The following MAT2B variants were observed in gnomAD, a reference collection of about 807,000 sequenced individuals.
MAT2B encodes methionine adenosyltransferase 2 non-catalytic beta subunit, also known as methionine adenosyltransferase 2 subunit beta.
In MAT2B, 16 loss-of-function variants were observed where a neutral mutation model predicts 36.1. The ratio of observed to expected loss-of-function variants is 0.44; its 90% CI spans 0.30 to 0.67. The LOEUF is 0.67. MAT2B is among the 30% of genes least tolerant of loss of function. The pLI, the probability that MAT2B is intolerant of heterozygous loss-of-function variation, is 0.09. For synonymous variants in MAT2B, 148 were observed against 136.9 expected, an observed-to-expected ratio of 1.08 and a Z score of -0.57; for missense variants, 332 against 398.2, an observed-to-expected ratio of 0.83 and a Z score of 1.42.
At chr5:163,503,792 T>A (rs1182412009), upstream of MAT2B, among the ~76,000 whole-genome samples, 1 of 152,260 alleles carries the variant, frequency 6.6e-6, no homozygotes, top group Non-Finnish European at 1.5e-5. Context: ...ACATAACTTT[T>A]AGTTTCAGGC....
At chr5:163,505,043 T>A (rs1561654537), upstream of MAT2B, among the ~76,000 whole-genome samples, 1 of 152,228 alleles carries the variant, frequency 6.6e-6, no homozygotes, top group Non-Finnish European at 1.5e-5. Context: ...TTTAATTAGT[T>A]AAAAATAGTT....
intron 5 of MAT2B, 59 bp from the exon 6 acceptor site, chr5:163,517,502 C>A: frequency 9.9e-7 from 1 of 1,014,342 alleles, no homozygotes; most frequent in Non-Finnish European, 1.6e-6. Context: ...TTTGGTCAAA[C>A]CTATTCTACT....
intron 4 of MAT2B, 117 bp from the exon 5 acceptor site, chr5:163,516,401 A>T (rs1760133822): frequency 1.3e-6 from 1 of 785,342 alleles, no homozygotes; most frequent in South Asian, 1.8e-5. Flanking sequence ...ATTTTGGTAT[A>T]TTTTAATTAA....
At position 163,518,495 on chromosome 5, in the gene MAT2B, T is replaced by A. The variant is rs772039363; in HGVS notation, c.*132T>A. 5 of 663,742 alleles carry A rather than the reference T, an allele frequency of 7.5e-6. No individual in the cohort carries two copies. The highest frequency in any genetic ancestry group is 2.7e-5 in the South Asian group (1 of 37,308). 41.1% of individuals were successfully genotyped at this position (663,742 alleles called of 1,614,324 possible). On this transcript the variant is annotated 3_prime_UTR_variant, in exon 7 of 7. Transcript: ENST00000321757. ...TTAGGATCTTTCAGGTAAATGATGC[T>A]CTTGCACTAGTGAAATTGTCTAAAG...
chr5:163,512,270 G>A, intron 2 of MAT2B, 74 bp downstream of exon 2: 6 of 1,285,740 alleles, frequency 4.7e-6, no homozygotes, highest in Non-Finnish European at 6.8e-6. Context: ...AACTATCCTT[G>A]CTCTCAAGGA....
At chr5:163,508,672 C>T (rs1759987437) in intron 1 of MAT2B, among the ~76,000 whole-genome samples, 1 of 151,660 alleles carries the variant, frequency 6.6e-6, no homozygotes, top group Admixed American at 6.6e-5. Flanking sequence ...GGCTGGAGTG[C>T]AGTTGTGCGA....
chr5:163,510,681 A>C (rs11958615), intron 1 of MAT2B, among the ~76,000 whole-genome samples: 1 of 152,048 alleles, frequency 6.6e-6, no homozygotes, highest in African/African-American at 2.4e-5. Flanking sequence ...ACAGGCATGA[A>C]CCACTGCACC....
Position 163,518,570 on chromosome 5 carries a change from T to G in MAT2B, c.*207T>G, listed in dbSNP as rs1338562586. 1 of 393,336 alleles carries G rather than the reference T, an allele frequency of 2.5e-6. No individual in the cohort carries two copies. The highest frequency in any genetic ancestry group is 4.5e-6 in the Non-Finnish European group (1 of 224,200). 24.4% of individuals were successfully genotyped at this position (393,336 alleles called of 1,614,324 possible). ...TTTGCAGTAATTTTTCTTTTTATCATTTTGTTTGTCCTGGCTAAACTTGGA... is the reference window on the plus strand; with the variant it reads ...TTTGCAGTAATTTTTCTTTTTATCAGTTTGTTTGTCCTGGCTAAACTTGGA... On this transcript the variant is annotated 3_prime_UTR_variant, in exon 7 of 7. Transcript: ENST00000321757.
At chr5:163,511,921 G>A in intron 1 of MAT2B, 81 bp from the exon 2 acceptor site, 1 of 1,018,992 alleles carries the variant, frequency 9.8e-7, no homozygotes, top group Non-Finnish European at 1.5e-6. Flanking sequence ...AAGACATTTA[G>A]GGAACAACGA....
Position 163,507,479 on chromosome 5 carries a change from G to A in MAT2B, c.63+1730G>A, listed in dbSNP as rs150256280. Reference sequence around the variant, plus strand: ...TACTTCAGAGTTTAGACAATAAGAGGCAGATACGTTTAGAGTAACTTAAAC... The same window carrying A: ...TACTTCAGAGTTTAGACAATAAGAGACAGATACGTTTAGAGTAACTTAAAC... On this transcript the variant is annotated intron_variant, in intron 1 of 6. Coordinates refer to ENST00000321757, the MANE Select transcript of MAT2B (RefSeq NM_013283.5). 7.7e-4 allele frequency among the ~76,000 whole-genome samples: 117 copies of A among 152,270 alleles called. No homozygotes were observed. In the Middle Eastern group the frequency reaches 0.027, roughly 35 times the overall value.
chr5:163,503,113 T>G (rs530867289), upstream of MAT2B: 54 of 403,582 alleles, frequency 1.3e-4, no homozygotes, highest in Admixed American at 1.1e-3. Context: ...CAAATAGTTT[T>G]GCAAATAGAC....
intron 2 of MAT2B, chr5:163,512,682 G>A (rs1760064591): frequency 1.1e-5 from 5 of 453,748 alleles, no homozygotes; most frequent in South Asian, 7.8e-5. Flanking sequence ...AAAGACTTCT[G>A]TTTTGTTCTT....
At chr5:163,518,055 C>G (rs1760159558) in intron 6 of MAT2B, 138 bp from the exon 7 acceptor site, 1 of 592,218 alleles carries the variant, frequency 1.7e-6, no homozygotes, top group African/African-American at 1.9e-5. Context: ...GAATTTGAGA[C>G]TAGCCTGGGC....
intron 2 of MAT2B, 67 bp downstream of exon 2, chr5:163,512,263 T>C: frequency 7.5e-7 from 1 of 1,330,706 alleles, no homozygotes; most frequent in Non-Finnish European, 1.1e-6. Flanking sequence ...ATACAGAAAC[T>C]ATCCTTGCTC....
intron 1 of MAT2B, among the ~76,000 whole-genome samples, chr5:163,511,469 G>T (rs1243064400): frequency 7.8e-6 from 1 of 127,392 alleles, no homozygotes; most frequent in Non-Finnish European, 1.7e-5. Context: ...TTTTTGGAAG[G>T]ACGGGTTTTC....
chr5:163,513,396 A>C (rs1581214396), intron 2 of MAT2B, 159 bp from the exon 3 acceptor site: 3 of 543,492 alleles, frequency 5.5e-6, no homozygotes, highest in Middle Eastern at 4.5e-4. Flanking sequence ...CGGGGAAAAG[A>C]AGCAGCATGA....
Position 163,505,739 on chromosome 5 carries a change from G to A in MAT2B, c.53G>A (p.Arg18Gln). The A allele has an allele frequency of 1.6e-6, 2 of 1,277,048 alleles. No individual in the cohort carries two copies. Among genetic ancestry groups the A allele is most frequent in the Non-Finnish European group, 2.0e-6 (2 of 1,004,372 alleles). 79.1% of individuals were successfully genotyped at this position (1,277,048 alleles called of 1,614,324 possible). A position where few individuals can be genotyped will look rare whatever the true frequency, so the allele number is the denominator to read the frequency against. The change falls in exon 1 of 7, where the codon CGG (arginine) becomes CAG (glutamine). Residue 18 changes from arginine (R) to glutamine (Q), a missense_variant. Transcript: ENST00000321757. ...LSIHFVPGSC[R>Q]LVEEEVNIPN... ...ATACACTTTGTTCCCGGGAGCTGTC[G>A]GCTGGTGGAGGTGAGGGAGTCGGCC...
At position 163,519,246 on chromosome 5, in the gene MAT2B, A is replaced by C. The variant is rs1236948682; in HGVS notation, c.*883A>C. The C allele has an allele frequency of 1.4e-4, 21 of 152,194 alleles. No individual in the cohort carries two copies. 9.4% of individuals were successfully genotyped at this position (152,194 alleles called of 1,614,324 possible). On this transcript the variant is annotated 3_prime_UTR_variant, in exon 7 of 7. Transcript: ENST00000321757. Reference sequence around the variant, plus strand: ...TGTTGCTTTAATTTTTAAAAATTACATTCTTCTGATGTAACATGTGATACA... The same window carrying C: ...TGTTGCTTTAATTTTTAAAAATTACCTTCTTCTGATGTAACATGTGATACA...
At chr5:163,506,489 A>C (rs1279886722) in intron 1 of MAT2B, among the ~76,000 whole-genome samples, 1 of 152,116 alleles carries the variant, frequency 6.6e-6, no homozygotes, top group Non-Finnish European at 1.5e-5. Context: ...GGCCTCCAGC[A>C]TTAATCTGTC....
Sources: allele counts gnomAD v4.1 joint callset (sites outside exome capture counted in the v4.1 genomes callset), GRCh38; gene constraint gnomAD v4.1.1; transcripts MANE v1.5; gene names NCBI Gene and HGNC (gene_info 2026-07-23, HGNC 2026-07-21).